Variants in FAM227B observed in about 807,000 individuals in gnomAD.
FAM227B encodes the protein family with sequence similarity 227 member B.
Under a neutral mutation model 73.8 loss-of-function variants are expected in FAM227B, and 88 were observed. The observed-to-expected ratio is 1.19, with a 90% confidence interval of 1.00 to 1.42. FAM227B has a LOEUF of 1.42. Ranked by LOEUF, FAM227B falls within the 40% of genes most tolerant of loss-of-function variation. The pLI, the probability that FAM227B is intolerant of heterozygous loss-of-function variation, is 0.00. For missense variants in FAM227B, 632 were observed against 590.9 expected (o/e 1.07, Z -0.72); for synonymous variants, 210 against 190.5 (o/e 1.10, Z -0.84).
chr15:49,352,846 A>G (rs1255583593), intron 13 of FAM227B, among the ~76,000 whole-genome samples: 1 of 152,150 alleles, frequency 6.6e-6, no homozygotes, highest in East Asian at 1.9e-4. Flanking sequence ...CACCTACCTC[A>G]GTCCTTAAAA....
intron 11 of FAM227B, among the ~76,000 whole-genome samples, chr15:49,408,390 G>A (rs1361765552): frequency 6.6e-6 from 1 of 152,106 alleles, no homozygotes; most frequent in Non-Finnish European, 1.5e-5. Context: ...TGAGTTCAGA[G>A]GTTTCACCAT....
intron 11 of FAM227B, among the ~76,000 whole-genome samples, chr15:49,503,739 C>T (rs1164236703): frequency 2.6e-5 from 4 of 152,092 alleles, no homozygotes; most frequent in Non-Finnish European, 5.9e-5. Context: ...CCATCTCACA[C>T]CAGTTAGAAT....
chr15:49,371,196 G>T, intron 12 of FAM227B, 106 bp downstream of exon 12: 2 of 532,746 alleles, frequency 3.8e-6, no homozygotes, highest in Non-Finnish European at 3.4e-6. Context: ...CAAAATATAT[G>T]GTAAGAATGT....
chr15:49,344,449 G>T (rs1451966625), intron 13 of FAM227B, among the ~76,000 whole-genome samples: 1 of 152,092 alleles, frequency 6.6e-6, no homozygotes, highest in Non-Finnish European at 1.5e-5. Flanking sequence ...ATATAGCATG[G>T]TACTAACTTT....
At chr15:49,521,094 C>A (rs1383528547) in intron 10 of FAM227B, among the ~76,000 whole-genome samples, 1 of 152,172 alleles carries the variant, frequency 6.6e-6, no homozygotes, top group Non-Finnish European at 1.5e-5. Context: ...TCCCCTCAAA[C>A]CTGAATTGAG....
intron 3 of FAM227B, 26 bp downstream of exon 3, chr15:49,611,189 C>T (rs372317902): frequency 7.3e-5 from 102 of 1,391,732 alleles, no homozygotes; most frequent in Non-Finnish European, 9.8e-5. Flanking sequence ...GATGTAATGG[C>T]ACATAAAATA....
chr15:49,416,968 AGC>A (rs2049262666), intron 11 of FAM227B, among the ~76,000 whole-genome samples: 1 of 152,240 alleles, frequency 6.6e-6, no homozygotes, highest in African/African-American at 2.4e-5. Context: ...CACTGCCTAA[AGC>A]AATTTATACA....
chr15:49,513,721 C>A (rs548566278), intron 10 of FAM227B, among the ~76,000 whole-genome samples: 1 of 151,830 alleles, frequency 6.6e-6, no homozygotes, highest in South Asian at 2.1e-4. Flanking sequence ...AGGGTTTTTA[C>A]GGTTTTTGGT....
At chr15:49,377,878 T>C (rs1340339578) in intron 11 of FAM227B, among the ~76,000 whole-genome samples, 1 of 152,130 alleles carries the variant, frequency 6.6e-6, no homozygotes, top group Non-Finnish European at 1.5e-5. Flanking sequence ...ATCACATCTG[T>C]CAATGTTGCC....
chr15:49,530,885 C>A (rs1393098880), intron 10 of FAM227B, among the ~76,000 whole-genome samples: 1 of 148,270 alleles, frequency 6.7e-6, no homozygotes, highest in Non-Finnish European at 1.5e-5. Context: ...GAAAACCCTA[C>A]AGAAGCACAA....
At chr15:49,418,816 C>T (rs1008992239) in intron 11 of FAM227B, among the ~76,000 whole-genome samples, 1 of 151,928 alleles carries the variant, frequency 6.6e-6, no homozygotes, top group Admixed American at 6.6e-5. Context: ...TGTGTTGGAC[C>T]ACAATTTCAG....
intron 11 of FAM227B, among the ~76,000 whole-genome samples, chr15:49,454,077 C>G (rs1449450088): frequency 6.6e-6 from 1 of 152,132 alleles, no homozygotes; most frequent in Admixed American, 6.6e-5. Context: ...ATGTGTCAGA[C>G]AGGCGTAGGT....
rs1213815240 is a variant in FAM227B, at chr15:49,400,582, A to T, written c.1013-29183T>A. ...AAAAGAACAAAGCTGGAGGCATCACACTACCTGACTTCAAAGTATACTACA... is the reference window on the plus strand; with the variant it reads ...AAAAGAACAAAGCTGGAGGCATCACTCTACCTGACTTCAAAGTATACTACA... On this transcript the variant is annotated intron_variant, in intron 11 of 15. Coordinates refer to ENST00000299338, the MANE Select transcript of FAM227B (RefSeq NM_152647.3). 1.0e-3 allele frequency among the ~76,000 whole-genome samples: 74 copies of T among 73,944 alleles called. 24 individuals carry two copies. The highest frequency in any genetic ancestry group is 1.8e-3 in the Non-Finnish European group (63 of 34,410). The allele number at this position is 73,944 out of a possible 152,430, so 48.5% of individuals were successfully genotyped here. A position where few individuals can be genotyped will look rare whatever the true frequency, so the allele number is the denominator to read the frequency against.
chr15:49,575,191 G>A (rs2075371970), intron 7 of FAM227B, 82 bp from the exon 8 acceptor site: 3 of 729,720 alleles, frequency 4.1e-6, no homozygotes, highest in South Asian at 2.0e-5. Context: ...TTTATAAAGA[G>A]TATGCTTTCA....
At chr15:49,337,227 G>A (rs559878982) in intron 13 of FAM227B, among the ~76,000 whole-genome samples, 8 of 152,320 alleles carry the variant, frequency 5.3e-5, no homozygotes, top group African/African-American at 1.9e-4. Context: ...GGACTGCTGG[G>A]TTGAACGGTA....
chr15:49,423,941 A>G (rs1337229462), intron 11 of FAM227B: 1 of 204,514 alleles, frequency 4.9e-6, no homozygotes, highest in African/African-American at 2.3e-5. Context: ...CTGTATTCTA[A>G]TGCTACTACT....
intron 11 of FAM227B, among the ~76,000 whole-genome samples, chr15:49,420,166 T>C (rs1032087104): frequency 6.6e-6 from 1 of 152,204 alleles, no homozygotes; most frequent in African/African-American, 2.4e-5. Context: ...GGCAGTCTAC[T>C]TCTGGAAATT....
chr15:49,584,364 T>G (rs746482347), intron 5 of FAM227B, among the ~76,000 whole-genome samples: 1 of 152,126 alleles, frequency 6.6e-6, no homozygotes, highest in Non-Finnish European at 1.5e-5. Context: ...GGTACATACC[T>G]CAAAATAATA....
At chr15:49,537,183 T>C (rs570163635) in intron 10 of FAM227B, among the ~76,000 whole-genome samples, 5 of 152,104 alleles carry the variant, frequency 3.3e-5, no homozygotes, top group Non-Finnish European at 5.9e-5. Context: ...TATCTATTAA[T>C]TGTAATATCT....
Sources: gnomAD v4.1 joint callset for allele counts (sites outside exome capture counted in the v4.1 genomes callset) on GRCh38, gnomAD v4.1.1 for gene constraint, MANE v1.5 for transcripts, NCBI Gene and HGNC (gene_info 2026-07-23, HGNC 2026-07-21) for gene names.